TSC2: variants seen among roughly 807,000 people sequenced by gnomAD.
TSC2 encodes TSC complex subunit 2.
In TSC2, 29 loss-of-function variants were observed where a neutral mutation model predicts 202.2. That is an observed-to-expected ratio of 0.14 (90% CI 0.11 to 0.20). The LOEUF (loss-of-function observed/expected upper bound fraction) is 0.20, where lower values mean the gene tolerates loss of function less well. Among genes scored for constraint, TSC2 ranks in the 10% least tolerant of loss-of-function variants. TSC2 has a pLI of 1.00. For missense variants in TSC2, 2,429 were observed against 2,420.0 expected, an observed-to-expected ratio of 1.00 and a Z score of -0.08; for synonymous variants, 1,349 against 1,044.0, an observed-to-expected ratio of 1.29 and a Z score of -5.63.
Position 2,088,583 on chromosome 16 carries a change from G to T in TSC2, c.5397G>T (p.Ser1799=), listed in dbSNP as rs1051771. The change falls in exon 42 of 42, where the codon TCG becomes TCT. Residue 1799 remains serine (S), a synonymous_variant. Transcript: ENST00000219476. ...GCCAGCGGAAGCGCCTCATCTCCTC[G>T]GTGGAGGACTTCACCGAGTTTGTGT... ...EVGQRKRLIS[S]VEDFTEFV The T allele has an allele frequency of 3.1e-6, 5 of 1,607,358 alleles. No homozygotes were observed. Among genetic ancestry groups the T allele is most frequent in the South Asian group, 1.1e-5 (1 of 91,066 alleles).
At chr16:2,057,775 A>G (rs543241561) in intron 9 of TSC2, among the ~76,000 whole-genome samples, 95 of 149,282 alleles carry the variant, frequency 6.4e-4, no homozygotes, top group African/African-American at 2.2e-3. Flanking sequence ...GCCCTGCCTC[A>G]GCCCTGCATC....
At chr16:2,067,259 A>G (rs9926698) in intron 16 of TSC2, among the ~76,000 whole-genome samples, 1,977 of 152,062 alleles carry the variant, frequency 0.013, 41 homozygotes, top group African/African-American at 0.044. Context: ...CCTGTGACCA[A>G]GTGATCGTCC....
rs754787026 is a variant in TSC2, at chr16:2,072,412, C to CA, written c.2220+49_2220+50insA. On this transcript the variant is annotated intron_variant, in intron 20 of 41. Transcript: ENST00000219476. ...GGGTGGGGGACCCAGTAGGGTTTTT[C>CA]CCCAAAAGACTGCGAGCCTCTGGGC... 64 of 1,610,054 alleles carry CA rather than the reference C, an allele frequency of 4.0e-5. 1 individual carries two copies. In the Middle Eastern group the frequency reaches 5.0e-4, roughly 13 times the overall value.
intron 31 of TSC2, 76 bp downstream of exon 31, chr16:2,081,874 C>G: frequency 6.4e-7 from 1 of 1,561,562 alleles, no homozygotes; most frequent in Non-Finnish European, 8.7e-7. Context: ...AATGTGGCTC[C>G]TCTCTGCTGA....
At chr16:2,051,395 A>G (rs1174471318) in intron 3 of TSC2, among the ~76,000 whole-genome samples, 2 of 151,938 alleles carry the variant, frequency 1.3e-5, no homozygotes, top group African/African-American at 4.8e-5. Context: ...TTACAAGTTC[A>G]GGCCAAGAAA....
intron 11 of TSC2, chr16:2,061,305 C>T (rs951417712): frequency 2.8e-5 from 8 of 283,254 alleles, no homozygotes; most frequent in African/African-American, 1.3e-4. Flanking sequence ...GAGCCTGGGG[C>T]GGGTGATGTA....
intron 11 of TSC2, chr16:2,061,534 C>A (rs903724227): frequency 2.4e-6 from 1 of 419,076 alleles, no homozygotes; most frequent in Non-Finnish European, 4.5e-6. Context: ...GAGCTTCCTT[C>A]TTGGCCCAGC....
At chr16:2,058,097 GCCCTGCATCTCTCCTAGCCCTGCCTCAGC>G (rs938850326) in intron 9 of TSC2, among the ~76,000 whole-genome samples, 2 of 120,572 alleles carry the variant, frequency 1.7e-5, no homozygotes, top group African/African-American at 3.2e-5. Flanking sequence ...CCCTGCCTCA[GCCCTGCATCTCTCCTAGCCCTGCCTCAGC>G]CCCTGCATCT....
rs376285784 is a variant in TSC2 at position 2,064,342 on chromosome 16, G to A, written c.1514G>A (p.Arg505Gln). ...CCCGAGGATAAAGACCACCAGGTCC[G>A]AAAGCTGGCCACCCAGTTGCTGGTG... ...HIPEDKDHQV[R>Q]KLATQLLVDL... Residue 505 changes from arginine (R) to glutamine (Q), a missense_variant, in exon 15 of 42, where the codon CGA (arginine) becomes CAA (glutamine). Transcript: ENST00000219476. The A allele has an allele frequency of 1.1e-5, 17 of 1,613,696 alleles. No individual in the cohort carries two copies. Among genetic ancestry groups the A allele is most frequent in the East Asian group, 2.2e-5 (1 of 44,890 alleles).
intron 1 of TSC2, 199 bp downstream of exon 1, chr16:2,048,264 C>T (rs773164488): frequency 1.6e-6 from 2 of 1,261,020 alleles, no homozygotes; most frequent in South Asian, 1.3e-5. Context: ...ACAGCTCCTG[C>T]TTCACATGGG....
rs201525586 is a variant in TSC2 at position 2,061,882 on chromosome 16, C to T, written c.1131C>T (p.Ser377=). 58 of 1,614,126 alleles carry T rather than the reference C, an allele frequency of 3.6e-5. 1 individual carries two copies. The South Asian group carries it at 5.8e-4, about 16-fold the overall frequency. The change falls in exon 12 of 42, where the codon AGC becomes AGT. Residue 377 remains serine (S), a synonymous_variant. Transcript: ENST00000219476. ...RLLQQLQTLD[S]PELRTIVHDL... is the part of the protein sequence containing the mutation. ...GCCTGGTACTGCAGACCTTGGACAG[C>T]CCGGAGCTCAGGACCATCGTCCATG...
intron 15 of TSC2, 86 bp downstream of exon 15, chr16:2,064,513 T>TC: frequency 1.9e-6 from 3 of 1,595,818 alleles, no homozygotes; most frequent in Non-Finnish European, 2.6e-6. Flanking sequence ...GTCCTCCTCT[T>TC]CGAGTGACCG....
chr16:2,079,464 C>T lies in TSC2; in HGVS notation c.3284+36C>T, dbSNP rs753970940. The T allele has an allele frequency of 1.2e-6, 2 of 1,612,380 alleles. No individual in the cohort carries two copies. Among genetic ancestry groups the T allele is most frequent in the Non-Finnish European group, 8.5e-7 (1 of 1,179,788 alleles). On this transcript the variant is annotated intron_variant, in intron 28 of 41. Coordinates refer to ENST00000219476, the MANE Select transcript of TSC2 (RefSeq NM_000548.5). This position sits in a 1 kb window ranked among gnomAD's most constrained non-coding sequence, Gnocchi z 4.6. ...CTTCCTTTCCTCCGCGCCTGCCAGC[C>T]TCGACACCGGCTGTCCCGAGCCCAG...
rs539905222 is a variant in TSC2, at chr16:2,055,659, G to A, written c.599+140G>A. On this transcript the variant is annotated intron_variant, in intron 6 of 41. Transcript: ENST00000219476. ...TGTAATCTCAGCACTTTGGGAGGCC[G>A]AGGCAGGCGGATCACGAGGTCAGGA... The A allele has an allele frequency of 7.2e-5, 58 of 801,020 alleles. 1 individual carries two copies. In the Middle Eastern group the frequency reaches 8.3e-4, roughly 11 times the overall value. The allele number at this position is 801,020 out of a possible 1,614,324, so 49.6% of individuals were successfully genotyped here. A position where few individuals can be genotyped will look rare whatever the true frequency, so the allele number is the denominator to read the frequency against.
intron 10 of TSC2, among the ~76,000 whole-genome samples, chr16:2,059,888 T>C (rs2086416935): frequency 6.6e-6 from 1 of 152,140 alleles, no homozygotes; most frequent in Non-Finnish European, 1.5e-5. Context: ...CTTGAACTCC[T>C]GACCTCAGGT....
intron 7 of TSC2, 102 bp downstream of exon 7, chr16:2,056,346 CCTGGGCAAGCT>C: frequency 6.7e-7 from 1 of 1,503,212 alleles, no homozygotes; most frequent in East Asian, 2.3e-5. Flanking sequence ...GCTGTGTAGC[CCTGGGCAAGCT>C]GCTCGGTCTC....
rs751990617 is a variant in TSC2 at position 2,088,266 on chromosome 16, G to A, written c.5200G>A (p.Asp1734Asn). 51 of 1,612,964 alleles carry A rather than the reference G, an allele frequency of 3.2e-5. No homozygotes were observed. Among genetic ancestry groups the A allele is most frequent in the Admixed American group, 3.3e-5 (2 of 60,002 alleles). The change falls in exon 41 of 42, where the codon GAT becomes AAT. Residue 1734 changes from aspartate (D) to asparagine (N), a missense_variant. Coordinates refer to ENST00000219476, the MANE Select transcript of TSC2 (RefSeq NM_000548.5). ...QVHHSRSNPT[D>N]IYPSKWIARL... Reference sequence around the variant, plus strand: ...GCATCATAGCCGCTCCAACCCCACCGATATCTACCCCTCCAAGTGGATTGC... The same window carrying A: ...GCATCATAGCCGCTCCAACCCCACCAATATCTACCCCTCCAAGTGGATTGC...
chr16:2,085,690 C>T (rs756441883), intron 36 of TSC2, among the ~76,000 whole-genome samples: 5 of 152,192 alleles, frequency 3.3e-5, no homozygotes, highest in South Asian at 2.1e-4. Context: ...GGGGGCCGGG[C>T]GCACCCTGCC....
At chr16:2,065,271 G>A in intron 15 of TSC2, 1 of 468,606 alleles carries the variant, frequency 2.1e-6, no homozygotes, top group East Asian at 4.1e-5. Context: ...AAATTAGCTG[G>A]GCGTGGTGGC....
Sources: gnomAD v4.1 joint callset for allele counts (sites outside exome capture counted in the v4.1 genomes callset) on GRCh38, gnomAD v4.1.1 for gene constraint, Gnocchi (gnomAD v3.1) non-coding constraint, MANE v1.5 for transcripts, NCBI Gene and HGNC (gene_info 2026-07-23, HGNC 2026-07-21) for gene names.